Variants in RHEB observed in about 807,000 individuals in gnomAD.
RHEB encodes Ras homolog, mTORC1 binding, also known as GTP-binding protein Rheb.
Under a neutral mutation model 28.8 loss-of-function variants are expected in RHEB, and 2 were observed. That is an observed-to-expected ratio of 0.07 (90% CI 0.03 to 0.22). The LOEUF (loss-of-function observed/expected upper bound fraction) is 0.22. RHEB is among the 10% of genes least tolerant of loss of function. The pLI is 1.00. For synonymous variants in RHEB, 69 were observed against 77.3 expected (o/e 0.89, Z 0.56); for missense variants, 76 against 219.9 (o/e 0.35, Z 4.14).
Position 151,471,287 on chromosome 7 carries a change from C to T in RHEB, c.380+107G>A, listed in dbSNP as rs1055048752. The T allele has an allele frequency of 6.6e-5, 53 of 802,532 alleles. 1 individual carries two copies. The highest frequency in any genetic ancestry group is 5.0e-4 in the African/African-American group (29 of 57,978). The allele number at this position is 802,532 out of a possible 1,614,324, so 49.7% of individuals were successfully genotyped here. On this transcript the variant is annotated intron_variant, in intron 6 of 7. Transcript: ENST00000262187. ...TGCACACGACCATAACACCTCTGAA[C>T]GGATAAAAATGCTACAGCTAAAAAT...
At chr7:151,467,748 T>C (rs1200620093) in intron 7 of RHEB, among the ~76,000 whole-genome samples, 8 of 151,900 alleles carry the variant, frequency 5.3e-5, no homozygotes. Context: ...GCCCTCCCTA[T>C]CTCCTGGCCT....
chr7:151,481,318 G>A (rs191636967), intron 3 of RHEB, among the ~76,000 whole-genome samples: 3 of 152,262 alleles, frequency 2.0e-5, no homozygotes, highest in Non-Finnish European at 2.9e-5. Context: ...TGGATGTACC[G>A]ACATAAACTA....
intron 1 of RHEB, chr7:151,502,442 A>T (rs1376165559): frequency 1.2e-6 from 1 of 821,694 alleles, no homozygotes; most frequent in Admixed American, 1.7e-5. Context: ...ACTTTATAAC[A>T]AAGTACCTCC....
intron 1 of RHEB, among the ~76,000 whole-genome samples, chr7:151,494,642 C>T (rs1044147752): frequency 1.3e-5 from 2 of 152,226 alleles, no homozygotes; most frequent in Admixed American, 6.5e-5. Context: ...GAATTTAAAA[C>T]GTATTCCTCC....
At chr7:151,488,658 A>G (rs1802525853) in intron 2 of RHEB, among the ~76,000 whole-genome samples, 1 of 152,250 alleles carries the variant, frequency 6.6e-6, no homozygotes, top group African/African-American at 2.4e-5. Flanking sequence ...TTTAATGGAT[A>G]CATATTCATA....
At chr7:151,508,429 A>G (rs1408265328) in intron 1 of RHEB, among the ~76,000 whole-genome samples, 1 of 152,232 alleles carries the variant, frequency 6.6e-6, no homozygotes, top group South Asian at 2.1e-4. Flanking sequence ...ATACATGGAC[A>G]GTAAGTACCT....
At chr7:151,490,833 G>T in intron 2 of RHEB, 110 bp downstream of exon 2, 1 of 838,832 alleles carries the variant, frequency 1.2e-6, no homozygotes, top group East Asian at 2.4e-5. Flanking sequence ...ACCCCAATTG[G>T]GAGACACACA....
intron 1 of RHEB, among the ~76,000 whole-genome samples, chr7:151,508,051 T>A (rs1362031007): frequency 6.6e-6 from 1 of 152,188 alleles, no homozygotes; most frequent in African/African-American, 2.4e-5. Flanking sequence ...CCTGATAAAC[T>A]GCAGGAAATT....
intron 1 of RHEB, among the ~76,000 whole-genome samples, chr7:151,491,681 G>C (rs894801952): frequency 1.3e-5 from 2 of 151,858 alleles, no homozygotes; most frequent in African/African-American, 4.8e-5. Flanking sequence ...AGGCTGCAGT[G>C]GGCCAAGATT....
At chr7:151,505,941 A>C (rs908213150) in intron 1 of RHEB, among the ~76,000 whole-genome samples, 3 of 152,146 alleles carry the variant, frequency 2.0e-5, no homozygotes, top group Admixed American at 6.6e-5. Context: ...AGAAAAACTA[A>C]CCCAGAGTGA....
chr7:151,499,057 G>A (rs751348483), intron 1 of RHEB, among the ~76,000 whole-genome samples: 3 of 152,288 alleles, frequency 2.0e-5, no homozygotes, highest in East Asian at 3.9e-4. Context: ...TTCTAATGGG[G>A]AGAAACACAT....
At chr7:151,517,778 C>T (rs551906328) in intron 1 of RHEB, 1 of 151,768 alleles carries the variant, frequency 6.6e-6, no homozygotes. Flanking sequence ...GTAAATCAGT[C>T]AAGATCTTTA....
rs1235624734 is a variant in RHEB, at chr7:151,518,260, A to C, written c.52+1200T>G. On this transcript the variant is annotated intron_variant, in intron 1 of 7. Coordinates refer to ENST00000262187, the MANE Select transcript of RHEB (RefSeq NM_005614.4). ...GTGGTAAAAGGATGAGTAAGCATGC[A>C]GTGGCTGATCTTGGTCAAAGAGCAC... Among the ~76,000 whole-genome samples the C allele has an allele frequency of 5.9e-5, 9 of 152,338 alleles. No individual in the cohort carries two copies. The East Asian group carries it at 1.7e-3, about 29-fold the overall frequency.
rs1256700039 is a variant in RHEB at position 151,468,965 on chromosome 7, T to C, written c.462+1606A>G. ...CTTCTCTGAAACTTAATTTCCTCAC[T>C]TCTAAAATGAGGCGGTTTAACTACA... On this transcript the variant is annotated intron_variant, in intron 7 of 7. Transcript: ENST00000262187. The surrounding 1 kb of genome is among the most constrained non-coding windows in gnomAD (Gnocchi z 4.3). Among the ~76,000 whole-genome samples the C allele has an allele frequency of 3.3e-5, 5 of 152,236 alleles. No homozygotes were observed. Among genetic ancestry groups the C allele is most frequent in the Non-Finnish European group, 7.3e-5 (5 of 68,036 alleles).
chr7:151,501,817 C>A (rs968346879), intron 1 of RHEB: 2 of 410,480 alleles, frequency 4.9e-6, no homozygotes, highest in East Asian at 5.8e-5. Flanking sequence ...TCAGAAAGAG[C>A]CGGTGTCCTA....
intron 1 of RHEB, among the ~76,000 whole-genome samples, chr7:151,494,940 C>T (rs553532505): frequency 6.6e-6 from 1 of 152,318 alleles, no homozygotes; most frequent in South Asian, 2.1e-4. Flanking sequence ...ATAAACCCCA[C>T]CGCTCATTTT....
At chr7:151,503,949 G>A (rs1459055920) in intron 1 of RHEB, among the ~76,000 whole-genome samples, 1 of 152,152 alleles carries the variant, frequency 6.6e-6, no homozygotes, top group African/African-American at 2.4e-5. Context: ...GACTGCATAA[G>A]AAATAGATGT....
At chr7:151,476,422 A>C (rs1802273961) in intron 4 of RHEB, among the ~76,000 whole-genome samples, 1 of 152,218 alleles carries the variant, frequency 6.6e-6, no homozygotes, top group African/African-American at 2.4e-5. Context: ...CACCGCAGTA[A>C]GTTCTATTGG....
intron 7 of RHEB, among the ~76,000 whole-genome samples, chr7:151,469,770 G>A (rs568238187): frequency 6.6e-6 from 1 of 152,162 alleles, no homozygotes; most frequent in African/African-American, 2.4e-5. Flanking sequence ...TTGATGTGAT[G>A]GAAAGTACAA....
Sources: allele counts gnomAD v4.1 joint callset (sites outside exome capture counted in the v4.1 genomes callset), GRCh38; gene constraint gnomAD v4.1.1; non-coding constraint Gnocchi (gnomAD v3.1); transcripts MANE v1.5; gene names NCBI Gene and HGNC (gene_info 2026-07-23, HGNC 2026-07-21).